Variants in DMD observed in about 807,000 individuals in gnomAD.
DMD encodes dystrophin, also known as mutant dystrophin.
Under a neutral mutation model 330.1 loss-of-function variants are expected in DMD, and 63 were observed. That is an observed-to-expected ratio of 0.19 (90% CI 0.16 to 0.24). The LOEUF (loss-of-function observed/expected upper bound fraction) is 0.24, where lower values mean the gene tolerates loss of function less well. Among genes scored for constraint, DMD ranks in the 10% least tolerant of loss-of-function variants. The pLI is 1.00. For missense variants in DMD, 3,344 were observed against 2,684.1 expected, an observed-to-expected ratio of 1.25 and a Z score of -5.43; for synonymous variants, 1,223 against 959.8, an observed-to-expected ratio of 1.27 and a Z score of -5.07.
intron 51 of DMD, among the ~76,000 whole-genome samples, chrX:31,734,823 A>G (rs1486494437): frequency 8.9e-6 from 1 of 112,049 alleles, no homozygotes; most frequent in African/African-American, 3.2e-5. Flanking sequence ...CACATGAAAT[A>G]TAAAGGCCAA....
At chrX:32,033,676 G>C (rs5002835) in intron 44 of DMD, among the ~76,000 whole-genome samples, 1 of 90,315 alleles carries the variant, frequency 1.1e-5, no homozygotes, top group Non-Finnish European at 2.2e-5. Flanking sequence ...AAGAAAGGAA[G>C]GAAAGAAAGA....
rs1169321461 is a variant in DMD, at chrX:31,482,234, T to TG, written c.8548-3132dup. The stretch of plus-strand genomic sequence containing the variant: ...CAACATGATGGTGTGTGTGTGTGTG[T>TG]GTGGGGGGGGTGTTCTGTGCATGGG... On this transcript the variant is annotated intron_variant, in intron 57 of 78. Coordinates refer to ENST00000357033, the MANE Select transcript of DMD (RefSeq NM_004006.3). 4.1e-3 allele frequency among the ~76,000 whole-genome samples: 314 copies of TG among 76,147 alleles called. 5 individuals carry two copies. Among genetic ancestry groups the TG allele is most frequent in the African/African-American group, 0.02 (275 of 13,892 alleles). 66.1% of individuals were successfully genotyped at this position (76,147 alleles called of 115,157 possible).
chrX:32,209,127 C>G (rs1251898152), intron 44 of DMD, among the ~76,000 whole-genome samples: 1 of 111,532 alleles, frequency 9.0e-6, no homozygotes, highest in African/African-American at 3.3e-5. Flanking sequence ...TATGTTCATT[C>G]TAATGGAAAA....
chrX:32,016,444 C>G (rs972435496), intron 44 of DMD, among the ~76,000 whole-genome samples: 2 of 111,891 alleles, frequency 1.8e-5, no homozygotes, highest in African/African-American at 3.3e-5. Flanking sequence ...TGCATGAGAA[C>G]TGGGATTATC....
At chrX:32,736,848 A>G (rs1280656463) in intron 7 of DMD, among the ~76,000 whole-genome samples, 2 of 109,972 alleles carry the variant, frequency 1.8e-5, no homozygotes, top group East Asian at 2.9e-4. Flanking sequence ...GCGCACCAGC[A>G]TGGCACATGT....
intron 42 of DMD, among the ~76,000 whole-genome samples, chrX:32,298,514 C>CATATATATATATATATATATATATATAT (rs57786574): frequency 4.5e-4 from 47 of 104,490 alleles, no homozygotes; most frequent in African/African-American, 1.8e-3. Flanking sequence ...ATATAAAAGG[C>CATATATATATATATATATATATATATAT]ATATATATAT....
intron 7 of DMD, among the ~76,000 whole-genome samples, chrX:32,711,364 T>C (rs748617775): frequency 3.6e-5 from 4 of 110,831 alleles, no homozygotes; most frequent in Non-Finnish European, 5.7e-5. Flanking sequence ...TCAATTACTA[T>C]ATCCTATGGA....
chrX:32,621,949 G>C (rs749101145), intron 11 of DMD, among the ~76,000 whole-genome samples: 2 of 111,424 alleles, frequency 1.8e-5, no homozygotes, highest in Non-Finnish European at 3.8e-5. Flanking sequence ...CTAGAAATGT[G>C]TATTTTAACA....
chrX:32,095,927 T>G (rs933039559), intron 44 of DMD, among the ~76,000 whole-genome samples: 8 of 110,499 alleles, frequency 7.2e-5, no homozygotes. Flanking sequence ...TTATTATACT[T>G]TAAGTTTTAG....
At chrX:31,781,673 G>A (rs751782809) in intron 50 of DMD, among the ~76,000 whole-genome samples, 3 of 110,337 alleles carry the variant, frequency 2.7e-5, no homozygotes, top group Admixed American at 1.9e-4. Flanking sequence ...ATCTACATGC[G>A]CTCAGTGAAA....
chrX:31,857,752 C>T (rs1042837847), intron 48 of DMD, among the ~76,000 whole-genome samples: 4 of 108,946 alleles, frequency 3.7e-5, no homozygotes, highest in Non-Finnish European at 7.7e-5. Context: ...CTTGGCCCTA[C>T]GGTGTTTCCT....
At chrX:31,206,440 A>G in intron 66 of DMD, 142 bp downstream of exon 66, 1 of 554,393 alleles carries the variant, frequency 1.8e-6, no homozygotes. Context: ...CACAAACCAA[A>G]TTTTATGACA....
intron 45 of DMD, among the ~76,000 whole-genome samples, chrX:31,934,336 A>G (rs1436597730): frequency 9.0e-6 from 1 of 111,714 alleles, no homozygotes; most frequent in Non-Finnish European, 1.9e-5. Context: ...ATATTCATTC[A>G]GTTTTCCTAT....
intron 55 of DMD, among the ~76,000 whole-genome samples, chrX:31,575,497 G>T (rs371148448): frequency 3.6e-5 from 4 of 111,800 alleles, no homozygotes; most frequent in South Asian, 7.5e-4. Flanking sequence ...AACTCTAAAG[G>T]TTATATTCAT....
At chrX:31,688,927 T>G (rs1317303625) in intron 52 of DMD, among the ~76,000 whole-genome samples, 1 of 111,889 alleles carries the variant, frequency 8.9e-6, no homozygotes, top group Non-Finnish European at 1.9e-5. Flanking sequence ...CAGCCCTTCA[T>G]GCTAAAAACT....
intron 9 of DMD, among the ~76,000 whole-genome samples, chrX:32,683,107 T>G (rs12849653): frequency 1.3e-3 from 148 of 111,890 alleles, no homozygotes; most frequent in Non-Finnish European, 2.2e-3. Context: ...AACAGCAGTC[T>G]TTAACCTGCA....
At chrX:32,527,766 G>T (rs943106224) in intron 17 of DMD, among the ~76,000 whole-genome samples, 2 of 110,533 alleles carry the variant, frequency 1.8e-5, no homozygotes, top group Non-Finnish European at 3.8e-5. Flanking sequence ...TTATTAAAGG[G>T]GAAATCCTAT....
chrX:33,226,358 T>G (rs1012860305), intron 1 of DMD, among the ~76,000 whole-genome samples: 4 of 111,814 alleles, frequency 3.6e-5, no homozygotes, highest in Admixed American at 1.9e-4. Context: ...AACTGGCATA[T>G]TCATACCATG....
chrX:32,312,254 G>A (rs1224017816), intron 41 of DMD, among the ~76,000 whole-genome samples: 3 of 111,129 alleles, frequency 2.7e-5, no homozygotes, highest in Admixed American at 1.9e-4. Context: ...AACAAAAGCA[G>A]TGGGAATTCA....
Sources: gnomAD v4.1 joint callset for allele counts (sites outside exome capture counted in the v4.1 genomes callset) on GRCh38, gnomAD v4.1.1 for gene constraint, MANE v1.5 for transcripts, NCBI Gene and HGNC (gene_info 2026-07-23, HGNC 2026-07-21) for gene names.